The following DCAF1 variants were observed in gnomAD, a reference collection of about 807,000 sequenced individuals.
The protein encoded by DCAF1 is DDB1- and CUL4-associated factor 1.
DCAF1 carries 15 observed loss-of-function variants against 128.0 expected under a neutral mutation model. The ratio of observed to expected loss-of-function variants is 0.12; its 90% CI spans 0.08 to 0.18. The LOEUF is 0.18. DCAF1 is among the 10% of genes least tolerant of loss of function. DCAF1 has a pLI of 1.00. For synonymous variants in DCAF1, 610 were observed against 603.0 expected, an observed-to-expected ratio of 1.01 and a Z score of -0.17; for missense variants, 988 against 1,649.5, an observed-to-expected ratio of 0.60 and a Z score of 6.95.
intron 9 of DCAF1, among the ~76,000 whole-genome samples, chr3:51,440,335 G>A (rs1404890076): frequency 6.6e-6 from 1 of 152,122 alleles, no homozygotes; most frequent in African/African-American, 2.4e-5. Context: ...AGTGACACAG[G>A]GTATGGTGGC....
intron 2 of DCAF1, among the ~76,000 whole-genome samples, chr3:51,496,320 C>T (rs1030047606): frequency 2.6e-5 from 4 of 152,010 alleles, no homozygotes; most frequent in African/African-American, 4.8e-5. Context: ...CCAGCTGCTC[C>T]GGAGGCTGAG....
chr3:51,469,508 G>C (rs1282287094), intron 4 of DCAF1, among the ~76,000 whole-genome samples: 1 of 151,870 alleles, frequency 6.6e-6, no homozygotes, highest in Non-Finnish European at 1.5e-5. Flanking sequence ...GAGATTACAG[G>C]CGTGAGCCAC....
intron 6 of DCAF1, 106 bp downstream of exon 6, chr3:51,463,008 A>G (rs762724648): frequency 1.7e-6 from 1 of 594,402 alleles, no homozygotes; most frequent in South Asian, 3.8e-5. Context: ...ATATATTACT[A>G]TATGAATAAC....
At chr3:51,406,188 A>G (rs1553626559) in intron 23 of DCAF1, among the ~76,000 whole-genome samples, 1 of 151,050 alleles carries the variant, frequency 6.6e-6, no homozygotes, top group Non-Finnish European at 1.5e-5. Flanking sequence ...TTAAAAATAC[A>G]AAAAATTTGC....
intron 6 of DCAF1, among the ~76,000 whole-genome samples, chr3:51,452,512 AG>A (rs1461724304): frequency 1.1e-4 from 17 of 152,308 alleles, no homozygotes; most frequent in Middle Eastern, 3.4e-3. Flanking sequence ...CAATGGAATA[AG>A]TCACTTCTCC....
chr3:51,441,874 C>T lies in DCAF1; in HGVS notation c.537G>A (p.Leu179=). Residue 179 remains leucine (L), a synonymous_variant, in exon 8 of 25, where the codon CTG becomes CTA. Coordinates refer to ENST00000684031, the MANE Select transcript of DCAF1 (RefSeq NM_001387579.1). ...CCACTTCCTGTAGCTGTAGCTCCCT[C>T]AGTCTTCGAAGCACTATTGCCACCT... ...SQLVAIVLRR[L]RELQLQEVAL... The T allele has an allele frequency of 6.2e-7, 1 of 1,608,616 alleles. No individual in the cohort carries two copies. The highest frequency in any genetic ancestry group is 8.5e-7 in the Non-Finnish European group (1 of 1,179,326).
chr3:51,428,352 G>C (rs1260649372), intron 12 of DCAF1, among the ~76,000 whole-genome samples: 1 of 17,432 alleles, frequency 5.7e-5, no homozygotes. Flanking sequence ...TTTTTTTTTT[G>C]AGACAGTCTC....
chr3:51,473,149 G>A (rs1704964900), intron 3 of DCAF1, among the ~76,000 whole-genome samples: 1 of 150,504 alleles, frequency 6.6e-6, no homozygotes, highest in African/African-American at 2.4e-5. Context: ...GGTGCCACAT[G>A]CCTGTAATCC....
In DCAF1 at chr3:51,463,229, T is replaced by C; in HGVS notation, c.262-2A>G. ...TGTCATCACATATGCATTCACCAGC[T>C]GTAAAGAAAAAAAAGAAATACTGTT... On this transcript the variant is annotated splice_acceptor_variant, in intron 5 of 24. Transcript: ENST00000684031. LOFTEE classifies it high-confidence loss of function. 1 of 1,541,016 alleles carries C rather than the reference T, an allele frequency of 6.5e-7. No homozygotes were observed. The highest frequency in any genetic ancestry group is 2.2e-5 in the Admixed American group (1 of 46,456).
chr3:51,438,350 A>G (rs1701045500), intron 9 of DCAF1, among the ~76,000 whole-genome samples: 1 of 152,168 alleles, frequency 6.6e-6, no homozygotes, highest in Non-Finnish European at 1.5e-5. Flanking sequence ...ATATGCAAAG[A>G]TGTTCACTGT....
At position 51,430,039 on chromosome 3, in the gene DCAF1, C is replaced by T. The variant is rs1700235651; in HGVS notation, c.1461G>A (p.Val487=). ...FDRYDGLRRL[V]NLISTLEILN... ...AGCACTGAAAGAACCTCACCAAGTT[C>T]ACCAGACGACGAAGACCATCATAGC... is the stretch of plus-strand genomic sequence containing the variant. The change falls in exon 11 of 25, where the codon GTG becomes GTA. Residue 487 remains valine (V), a synonymous_variant. Transcript: ENST00000684031. The T allele has an allele frequency of 1.3e-6, 1 of 780,568 alleles. No individual in the cohort carries two copies. The highest frequency in any genetic ancestry group is 2.4e-5 in the East Asian group (1 of 41,250). The allele number at this position is 780,568 out of a possible 1,614,324, so 48.4% of individuals were successfully genotyped here. A position where few individuals can be genotyped will look rare whatever the true frequency, so the allele number is the denominator to read the frequency against.
Position 51,451,368 on chromosome 3 carries a change from C to G in DCAF1, c.376-7465G>C, listed in dbSNP as rs1483771082. Among the ~76,000 whole-genome samples, 3 of 151,834 alleles carry G rather than the reference C, an allele frequency of 2.0e-5. No individual in the cohort carries two copies. The East Asian group carries it at 5.8e-4, about 29-fold the overall frequency. The stretch of plus-strand genomic sequence containing the variant: ...CAGTGGCTCATGCCTGTAATGCCAG[C>G]ACCTTGGGAAACCAAGCCAGGGAGG... On this transcript the variant is annotated intron_variant, in intron 6 of 24. Transcript: ENST00000684031.
At chr3:51,469,839 G>A (rs1180723154) in intron 4 of DCAF1, among the ~76,000 whole-genome samples, 2 of 151,628 alleles carry the variant, frequency 1.3e-5, no homozygotes, top group African/African-American at 2.4e-5. Flanking sequence ...TGGCCAACAT[G>A]GTGAAACCCC....
chr3:51,462,996 A>G, intron 6 of DCAF1, 118 bp downstream of exon 6: 1 of 469,296 alleles, frequency 2.1e-6, no homozygotes, highest in East Asian at 3.7e-5. Flanking sequence ...GATTTTTATA[A>G]CATATATTAC....
At chr3:51,412,577 A>T (rs1282960601) in intron 22 of DCAF1, 97 bp from the exon 23 acceptor site, 1 of 1,557,344 alleles carries the variant, frequency 6.4e-7, no homozygotes, top group Non-Finnish European at 8.7e-7. Context: ...TTGACCCTGT[A>T]ATTATTAAAG....
rs1553632767 is a variant in DCAF1 at position 51,422,340 on chromosome 3, A to G, written c.1939T>C (p.Leu647=). 2.6e-6 allele frequency: 2 copies of G among 765,800 alleles called. No individual in the cohort carries two copies. Among genetic ancestry groups the G allele is most frequent in the Admixed American group, 1.8e-5 (1 of 56,640 alleles). 47.4% of individuals were successfully genotyped at this position (765,800 alleles called of 1,614,324 possible). A position where few individuals can be genotyped will look rare whatever the true frequency, so the allele number is the denominator to read the frequency against. The change falls in exon 14 of 25, where the codon TTG becomes CTG. Residue 647 remains leucine (L), a synonymous_variant. Transcript: ENST00000684031. ...QLQLAESVDV[L]DEAGSTVSTV... ...GAGACTGTAGATCCAGCCTCATCCAACACGTCCACTGATTCTGCCAACTGG... is the reference window on the plus strand; with the variant it reads ...GAGACTGTAGATCCAGCCTCATCCAGCACGTCCACTGATTCTGCCAACTGG...
At chr3:51,398,924 C>A in intron 24 of DCAF1, 97 bp from the exon 25 acceptor site, 2 of 1,444,648 alleles carry the variant, frequency 1.4e-6, no homozygotes, top group Middle Eastern at 1.8e-4. Flanking sequence ...CATGCCCGAG[C>A]AAGGTTAACT....
intron 2 of DCAF1, among the ~76,000 whole-genome samples, chr3:51,491,679 T>C (rs573358368): frequency 6.6e-6 from 1 of 152,094 alleles, no homozygotes; most frequent in Admixed American, 6.6e-5. Flanking sequence ...AAACCCCATC[T>C]CTACTAAAAT....
At chr3:51,458,584 TC>T (rs1703184089) in intron 6 of DCAF1, among the ~76,000 whole-genome samples, 1 of 152,006 alleles carries the variant, frequency 6.6e-6, no homozygotes, top group Admixed American at 6.6e-5. Context: ...TCTACAGAAC[TC>T]TCTACCCCAA....
Sources: allele counts gnomAD v4.1 joint callset (sites outside exome capture counted in the v4.1 genomes callset), GRCh38; gene constraint gnomAD v4.1.1; transcripts MANE v1.5; gene names NCBI Gene and HGNC (gene_info 2026-07-23, HGNC 2026-07-21).